CHRM3: variants seen among roughly 807,000 people sequenced by gnomAD.
The protein encoded by CHRM3 is muscarinic acetylcholine receptor M3.
A neutral mutation model predicts 41.8 loss-of-function variants in CHRM3; 11 were observed. That is an observed-to-expected ratio of 0.26 (90% CI 0.17 to 0.44). The LOEUF (loss-of-function observed/expected upper bound fraction) is 0.44. Among genes scored for constraint, CHRM3 ranks in the 20% least tolerant of loss-of-function variants. The pLI, the probability that CHRM3 is intolerant of heterozygous loss-of-function variation, is 1.00. For synonymous variants in CHRM3, 297 were observed against 301.4 expected, an observed-to-expected ratio of 0.99 and a Z score of 0.15; for missense variants, 571 against 745.4, an observed-to-expected ratio of 0.77 and a Z score of 2.72.
In CHRM3 at chr1:239,599,428, GTTT is replaced by G. The variant is rs34882749; in HGVS notation, c.-312-32782_-312-32780del. ...GTTACTACTAAATCCTCTGTTTACT[GTTT>G]TTTTTTTTTTTTTCTGACACTGTAT... On this transcript the variant is annotated intron_variant, in intron 3 of 6. Transcript: ENST00000676153. Among the ~76,000 whole-genome samples, 536 of 138,472 alleles carry G rather than the reference GTTT, an allele frequency of 3.9e-3. 3 individuals are homozygous for G. Among genetic ancestry groups the G allele is most frequent in the Middle Eastern group, 0.011 (3 of 264 alleles). The allele number at this position is 138,472 out of a possible 152,430, so 90.8% of individuals were successfully genotyped here. A position where few individuals can be genotyped will look rare whatever the true frequency, so the allele number is the denominator to read the frequency against.
intron 6 of CHRM3, among the ~76,000 whole-genome samples, chr1:239,863,262 A>T (rs1675786584): frequency 6.6e-6 from 1 of 152,224 alleles, no homozygotes; most frequent in South Asian, 2.1e-4. Flanking sequence ...ACCGCCTTCA[A>T]AGGATGGGAC....
At chr1:239,674,482 G>T (rs965571418) in intron 4 of CHRM3, among the ~76,000 whole-genome samples, 3 of 151,998 alleles carry the variant, frequency 2.0e-5, no homozygotes, top group African/African-American at 7.2e-5. Flanking sequence ...GGCCCAGGCG[G>T]GGGGATCACG....
At chr1:239,590,926 C>T (rs898196521) in intron 3 of CHRM3, among the ~76,000 whole-genome samples, 3 of 152,044 alleles carry the variant, frequency 2.0e-5, no homozygotes, top group African/African-American at 4.8e-5. Context: ...AATATAATCC[C>T]ATTGTAGGAT....
At chr1:239,690,239 T>C (rs1163591842) in intron 5 of CHRM3, among the ~76,000 whole-genome samples, 1 of 152,126 alleles carries the variant, frequency 6.6e-6, no homozygotes, top group Non-Finnish European at 1.5e-5. Flanking sequence ...TATTTTATTT[T>C]ATTTTAGAGA....
At chr1:239,796,179 T>C (rs1558129776) in intron 5 of CHRM3, among the ~76,000 whole-genome samples, 1 of 152,078 alleles carries the variant, frequency 6.6e-6, no homozygotes, top group Non-Finnish European at 1.5e-5. Context: ...GCATCCAAGG[T>C]TGCACTTCTA....
chr1:239,715,552 C>T (rs1202163476), intron 5 of CHRM3, among the ~76,000 whole-genome samples: 1 of 152,062 alleles, frequency 6.6e-6, no homozygotes. Context: ...CTACAATTAG[C>T]TATCAGCTCC....
chr1:239,497,227 T>G (rs1353562930), intron 2 of CHRM3, among the ~76,000 whole-genome samples: 2 of 152,194 alleles, frequency 1.3e-5, no homozygotes, highest in African/African-American at 2.4e-5. Context: ...TTCAGTGCTC[T>G]TCAGAGACTG....
intron 1 of CHRM3, among the ~76,000 whole-genome samples, chr1:239,483,709 CAG>C (rs1416527958): frequency 3.9e-5 from 6 of 152,278 alleles, no homozygotes; most frequent in South Asian, 2.1e-4. Flanking sequence ...ACCTCAGAGA[CAG>C]AGTCTAAGTA....
chr1:239,732,230 A>C (rs1217610703), intron 5 of CHRM3, among the ~76,000 whole-genome samples: 5 of 151,678 alleles, frequency 3.3e-5, no homozygotes, highest in Non-Finnish European at 7.4e-5. Flanking sequence ...CACTTAGATA[A>C]GTATACCTAA....
chr1:239,472,029 C>T (rs1286742852), intron 1 of CHRM3, among the ~76,000 whole-genome samples: 1 of 152,034 alleles, frequency 6.6e-6, no homozygotes, highest in African/African-American at 2.4e-5. Flanking sequence ...CTGAGAGTAA[C>T]CAAATATTCA....
At chr1:239,597,838 CAA>C (rs59984075) in intron 3 of CHRM3, among the ~76,000 whole-genome samples, 1 of 83,402 alleles carries the variant, frequency 1.2e-5, no homozygotes, top group South Asian at 4.2e-4. Context: ...CTGAGGTGGT[CAA>C]AAAAAAAAAC....
At chr1:239,602,031 T>A (rs1036080170) in intron 3 of CHRM3, among the ~76,000 whole-genome samples, 1 of 149,966 alleles carries the variant, frequency 6.7e-6, no homozygotes, top group African/African-American at 2.4e-5. Context: ...TATCTATATA[T>A]ACACATATAT....
rs67746016 is a variant in CHRM3 at position 239,404,719 on chromosome 1, AATATATATATATATATAT to A, written c.-521+17513_-521+17530del. Among the ~76,000 whole-genome samples the A allele has an allele frequency of 5.3e-4, 52 of 97,354 alleles. 1 individual carries two copies. In the East Asian group the frequency reaches 7.4e-3, roughly 14 times the overall value. The allele number at this position is 97,354 out of a possible 152,430, so 63.9% of individuals were successfully genotyped here. A position where few individuals can be genotyped will look rare whatever the true frequency, so the allele number is the denominator to read the frequency against. On this transcript the variant is annotated intron_variant, in intron 1 of 6. Coordinates refer to ENST00000676153, the MANE Select transcript of CHRM3 (RefSeq NM_001375978.1). Reference sequence around the variant, plus strand: ...CATTAAATGTATCATGCTATATCTAAATATATATATATATATATATATATATATATATATATATGGAAA... The same window carrying A: ...CATTAAATGTATCATGCTATATCTAAATATATATATATATATATATGGAAA...
At chr1:239,542,524 C>A (rs963128601) in intron 2 of CHRM3, among the ~76,000 whole-genome samples, 3 of 152,090 alleles carry the variant, frequency 2.0e-5, no homozygotes, top group Non-Finnish European at 2.9e-5. Context: ...ACCTCCCATG[C>A]GACAGGCAGT....
intron 3 of CHRM3, among the ~76,000 whole-genome samples, chr1:239,600,011 T>G (rs1223412871): frequency 6.6e-6 from 1 of 152,150 alleles, no homozygotes; most frequent in Non-Finnish European, 1.5e-5. Context: ...GATTTCTCCC[T>G]CAACCTGCAT....
chr1:239,523,282 A>G (rs1465611356), intron 2 of CHRM3, among the ~76,000 whole-genome samples: 1 of 152,176 alleles, frequency 6.6e-6, no homozygotes, highest in Non-Finnish European at 1.5e-5. Context: ...GTTAGAAATT[A>G]CCATTCTACC....
At chr1:239,794,387 G>GCT (rs1669594588) in intron 5 of CHRM3, among the ~76,000 whole-genome samples, 1 of 115,304 alleles carries the variant, frequency 8.7e-6, no homozygotes, top group African/African-American at 3.0e-5. Context: ...TTCGTTTGTT[G>GCT]TTTTTTTTTT....
At chr1:239,390,756 A>T (rs2102912206) in intron 1 of CHRM3, among the ~76,000 whole-genome samples, 1 of 152,216 alleles carries the variant, frequency 6.6e-6, no homozygotes, top group Non-Finnish European at 1.5e-5. Context: ...GCACCTGGAG[A>T]GCTCTGTTAG....
chr1:239,470,790 G>A (rs1666063297), intron 1 of CHRM3, among the ~76,000 whole-genome samples: 1 of 151,968 alleles, frequency 6.6e-6, no homozygotes, highest in Non-Finnish European at 1.5e-5. Context: ...TTTTTATTTT[G>A]CCTCATTTTC....
Sources: gnomAD v4.1 joint callset for allele counts (sites outside exome capture counted in the v4.1 genomes callset) on GRCh38, gnomAD v4.1.1 for gene constraint, MANE v1.5 for transcripts, NCBI Gene and HGNC (gene_info 2026-07-23, HGNC 2026-07-21) for gene names.